PLEKHH2: variants seen among roughly 807,000 people sequenced by gnomAD.
PLEKHH2 encodes the protein pleckstrin homology, MyTH4 and FERM domain containing H2.
Under a neutral mutation model 187.9 loss-of-function variants are expected in PLEKHH2, and 129 were observed. The ratio of observed to expected loss-of-function variants is 0.69; its 90% CI spans 0.59 to 0.79. The LOEUF (loss-of-function observed/expected upper bound fraction) is 0.79, where lower values mean the gene tolerates loss of function less well. PLEKHH2 is among the 30% of genes least tolerant of loss of function. The pLI, the probability that PLEKHH2 is intolerant of heterozygous loss-of-function variation, is 0.00. For synonymous variants in PLEKHH2, 686 were observed against 605.6 expected (o/e 1.13, Z -1.95); for missense variants, 2,076 against 1,751.2 (o/e 1.19, Z -3.31).
At chr2:43,695,557 C>G (rs565340099) in intron 6 of PLEKHH2, among the ~76,000 whole-genome samples, 1 of 152,176 alleles carries the variant, frequency 6.6e-6, no homozygotes, top group South Asian at 2.1e-4. Flanking sequence ...TCCAGAGAGT[C>G]CAGCTTGCTA....
rs182861833 is a variant in PLEKHH2, at chr2:43,737,672, C to G, written c.2944-669C>G. ...ACATGGGCCTCTCCAAATGACTGCTCAAGACATGGCAGCTACCTTCCCCAG... is the reference window on the plus strand; with the variant it reads ...ACATGGGCCTCTCCAAATGACTGCTGAAGACATGGCAGCTACCTTCCCCAG... On this transcript the variant is annotated intron_variant, in intron 19 of 29. Coordinates refer to ENST00000282406, the MANE Select transcript of PLEKHH2 (RefSeq NM_172069.4). 1.1e-3 allele frequency among the ~76,000 whole-genome samples: 168 copies of G among 152,304 alleles called. 1 individual carries two copies. In the South Asian group the frequency reaches 0.019, roughly 17 times the overall value.
chr2:43,755,593 G>T (rs2104619209), intron 25 of PLEKHH2, among the ~76,000 whole-genome samples: 1 of 152,200 alleles, frequency 6.6e-6, no homozygotes, highest in East Asian at 1.9e-4. Context: ...ATTTGGGCAG[G>T]GATGTGAAGG....
At chr2:43,675,436 A>G (rs1667698494) in intron 2 of PLEKHH2, 1 of 1,610,424 alleles carries the variant, frequency 6.2e-7, no homozygotes, top group Non-Finnish European at 8.5e-7. Context: ...ATAGTGTCCA[A>G]ATGCCCTGAG....
intron 8 of PLEKHH2, 56 bp downstream of exon 8, chr2:43,700,664 T>C: frequency 6.5e-7 from 1 of 1,530,846 alleles, no homozygotes; most frequent in Non-Finnish European, 8.7e-7. Flanking sequence ...CAACACTTTT[T>C]TTTTCTGGGA....
At chr2:43,679,055 C>G in intron 3 of PLEKHH2, 130 bp downstream of exon 3, 1 of 517,396 alleles carries the variant, frequency 1.9e-6, no homozygotes, top group Non-Finnish European at 3.3e-6. Context: ...TAGCTTGATC[C>G]ATAAAGAAAA....
chr2:43,681,024 G>T, intron 3 of PLEKHH2: 1 of 1,277,822 alleles, frequency 7.8e-7, no homozygotes, highest in Non-Finnish European at 1.1e-6. Context: ...TGTTCCCTCA[G>T]AATGCCAACT....
chr2:43,668,029 TTTG>T (rs889746806), intron 2 of PLEKHH2, among the ~76,000 whole-genome samples: 5 of 152,260 alleles, frequency 3.3e-5, no homozygotes, highest in Middle Eastern at 6.8e-3. Flanking sequence ...AGCATTCTTT[TTTG>T]TTGTTGTTGT....
intron 15 of PLEKHH2, 40 bp from the exon 16 acceptor site, chr2:43,720,629 T>C (rs774715467): frequency 6.2e-7 from 1 of 1,601,324 alleles, no homozygotes; most frequent in South Asian, 1.1e-5. Flanking sequence ...GGTGTCAGAG[T>C]TCTGGGCTAA....
intron 27 of PLEKHH2, among the ~76,000 whole-genome samples, chr2:43,760,394 ACT>A (rs1672378646): frequency 8.3e-6 from 1 of 120,738 alleles, no homozygotes; most frequent in Admixed American, 1.1e-4. Context: ...ACGGAGTCTC[ACT>A]CTGTCACCCA....
In PLEKHH2 at chr2:43,742,898, T is replaced by A; in HGVS notation, c.3379T>A (p.Phe1127Ile). ...HSLPFSIPVHFMNGIYQVVGF... is the reference protein window; with the variant it reads ...HSLPFSIPVHIMNGIYQVVGF... ...TTTGCCCTTTAGTATACCTGTGCAC[T>A]TCATGAATGGGATATACCAGGTAGG... is the stretch of plus-strand genomic sequence containing the variant. The change falls in exon 22 of 30, where the codon TTC (phenylalanine) becomes ATC (isoleucine). Residue 1127 changes from phenylalanine to isoleucine, a missense_variant. By Grantham distance (21) the Phe-to-Ile change is conservative. Coordinates refer to ENST00000282406, the MANE Select transcript of PLEKHH2 (RefSeq NM_172069.4). 1 of 1,573,476 alleles carries A rather than the reference T, an allele frequency of 6.4e-7. No individual in the cohort carries two copies. The highest frequency in any genetic ancestry group is 1.2e-5 in the South Asian group (1 of 83,298).
chr2:43,682,401 A>G (rs1668238812), intron 3 of PLEKHH2, among the ~76,000 whole-genome samples: 4 of 151,878 alleles, frequency 2.6e-5, no homozygotes, highest in South Asian at 2.1e-4. Flanking sequence ...CCACCTCCTG[A>G]GTTCAAGCGA....
rs796307115 is a variant in PLEKHH2 at position 43,681,393 on chromosome 2, C to T, written c.186+2468C>T. The T allele has an allele frequency of 1.7e-5, 26 of 1,542,438 alleles. No homozygotes were observed. In the South Asian group the frequency reaches 1.9e-4, roughly 11 times the overall value. ...TTGGCTGCTACTGGAAGGTTCTTGT[C>T]GACTTTGTTCTTTCCTTTGTTTTAT... is the stretch of plus-strand genomic sequence containing the variant. On this transcript the variant is annotated intron_variant, in intron 3 of 29. Coordinates refer to ENST00000282406, the MANE Select transcript of PLEKHH2 (RefSeq NM_172069.4).
At chr2:43,660,435 C>CTTTTTTTTTT (rs747756407) in intron 2 of PLEKHH2, among the ~76,000 whole-genome samples, 2 of 72,214 alleles carry the variant, frequency 2.8e-5, no homozygotes, top group Non-Finnish European at 6.2e-5. Flanking sequence ...ATATGTTTAA[C>CTTTTTTTTTT]TTTTTTTTTT....
intron 3 of PLEKHH2, among the ~76,000 whole-genome samples, chr2:43,684,158 G>C (rs1452471156): frequency 6.6e-6 from 1 of 151,942 alleles, no homozygotes; most frequent in African/African-American, 2.4e-5. Context: ...TATAGGATAT[G>C]ATACTATACT....
At chr2:43,689,599 A>G (rs989381) in intron 3 of PLEKHH2, among the ~76,000 whole-genome samples, 89,968 of 152,074 alleles carry the variant, frequency 0.59, 27,987 homozygotes, top group African/African-American at 0.78. Flanking sequence ...TAATTACCAA[A>G]GAAGGCTAAA....
intron 2 of PLEKHH2, chr2:43,676,310 T>G (rs777677042): frequency 6.2e-7 from 1 of 1,607,388 alleles, no homozygotes; most frequent in Non-Finnish European, 8.5e-7. Context: ...GATGTCCCAC[T>G]AGCGGAAACC....
rs375737897 is a variant in PLEKHH2, at chr2:43,742,854, G to A, written c.3335G>A (p.Arg1112Gln). 155 of 1,609,198 alleles carry A rather than the reference G, an allele frequency of 9.6e-5. No homozygotes were observed. The highest frequency in any genetic ancestry group is 1.3e-4 in the Non-Finnish European group (151 of 1,178,190). ...ATGGAAATTCTTTCAACTCTTCTCC[G>A]AAACCCTTATCACCATTCTTTGCCC... The part of the protein sequence containing the change: ...SRMEILSTLL[R>Q]NPYHHSLPFS... Residue 1112 changes from arginine (R) to glutamine (Q), a missense_variant, in exon 22 of 30, where the codon CGA (arginine) becomes CAA (glutamine). Transcript: ENST00000282406.
chr2:43,673,367 A>C (rs2104407082), intron 2 of PLEKHH2, among the ~76,000 whole-genome samples: 1 of 152,340 alleles, frequency 6.6e-6, no homozygotes, highest in South Asian at 2.1e-4. Context: ...TTTATCATTC[A>C]AATTATAACA....
intron 25 of PLEKHH2, among the ~76,000 whole-genome samples, chr2:43,754,307 A>AT (rs754425832): frequency 8.5e-5 from 13 of 152,062 alleles, no homozygotes; most frequent in Admixed American, 3.9e-4. Context: ...CATGGGCTTT[A>AT]TCCTGTTCTC....
Sources: allele counts gnomAD v4.1 joint callset (sites outside exome capture counted in the v4.1 genomes callset), GRCh38; gene constraint gnomAD v4.1.1; transcripts MANE v1.5; gene names NCBI Gene and HGNC (gene_info 2026-07-23, HGNC 2026-07-21).